The following GSDMC variants were observed in gnomAD, a reference collection of about 807,000 sequenced individuals.
GSDMC encodes the protein gasdermin C.
GSDMC carries 59 observed loss-of-function variants against 58.0 expected under a neutral mutation model. The ratio of observed to expected loss-of-function variants is 1.02; its 90% CI spans 0.82 to 1.26. The LOEUF (loss-of-function observed/expected upper bound fraction) is 1.26, where lower values mean the gene tolerates loss of function less well. Ranked by LOEUF, GSDMC falls within the 50% of genes most tolerant of loss-of-function variation. The probability of loss-of-function intolerance (pLI) is 0.00; values close to 1 mark genes in which losing one functional copy is unlikely to be tolerated. For synonymous variants in GSDMC, 241 were observed against 220.2 expected, an observed-to-expected ratio of 1.09 and a Z score of -0.83; for missense variants, 659 against 598.5, an observed-to-expected ratio of 1.10 and a Z score of -1.06.
the GSDMC span, among the ~76,000 whole-genome samples, chr8:129,723,886 C>T: frequency 6.8e-3 from 1,040 of 152,332 alleles, 5 homozygotes; most frequent in Non-Finnish European, 0.012. Flanking sequence ...TTTTTCCAGA[C>T]TCTCAGTGAG....
chr8:129,714,318 G>A, the GSDMC span, among the ~76,000 whole-genome samples: 1 of 152,176 alleles, frequency 6.6e-6, no homozygotes, highest in Admixed American at 6.5e-5. Context: ...ATCACAGAAT[G>A]TGGGCTTAAT....
the GSDMC span, among the ~76,000 whole-genome samples, chr8:129,732,107 G>C: frequency 6.6e-6 from 1 of 152,012 alleles, no homozygotes; most frequent in Non-Finnish European, 1.5e-5. Context: ...GGCCACAAGG[G>C]GTTCTCTCTC....
chr8:129,768,095 GAC>G (rs1198833814), intron 3 of GSDMC, among the ~76,000 whole-genome samples: 1 of 152,066 alleles, frequency 6.6e-6, no homozygotes, highest in Non-Finnish European at 1.5e-5. Context: ...GATCCAGCCC[GAC>G]CATGGAGCAC....
intron 3 of GSDMC, among the ~76,000 whole-genome samples, chr8:129,769,530 A>G (rs896056325): frequency 3.9e-5 from 6 of 152,186 alleles, no homozygotes; most frequent in African/African-American, 1.4e-4. Flanking sequence ...ATGTCATCTC[A>G]TGGAAGATGG....
At chr8:129,718,218 A>G in the GSDMC span, among the ~76,000 whole-genome samples, 1 of 152,232 alleles carries the variant, frequency 6.6e-6, no homozygotes, top group Non-Finnish European at 1.5e-5. Context: ...AAAAGAAACT[A>G]TCAACAAAGT....
rs573508046 is a variant in GSDMC, at chr8:129,786,431, A to G, written c.-425T>C. Reference sequence around the variant, plus strand: ...TCAGACAAACTCCAGGACCAGATCAATGTGATTCTGTTCACTGTTCTCTTC... The same window carrying G: ...TCAGACAAACTCCAGGACCAGATCAGTGTGATTCTGTTCACTGTTCTCTTC... On this transcript the variant is annotated 5_prime_UTR_variant, in exon 1 of 14. Transcript: ENST00000276708. 1.4e-4 allele frequency: 21 copies of G among 152,238 alleles called. No individual in the cohort carries two copies. The highest frequency in any genetic ancestry group is 4.3e-4 in the African/African-American group (18 of 41,538). 9.4% of individuals were successfully genotyped at this position (152,238 alleles called of 1,614,324 possible).
intron 6 of GSDMC, among the ~76,000 whole-genome samples, chr8:129,754,691 G>A (rs185315548): frequency 6.6e-6 from 1 of 152,228 alleles, no homozygotes; most frequent in African/African-American, 2.4e-5. Context: ...GTATTTTGAA[G>A]AAACTCAAAG....
At chr8:129,717,445 G>A in the GSDMC span, among the ~76,000 whole-genome samples, 1 of 151,436 alleles carries the variant, frequency 6.6e-6, no homozygotes, top group African/African-American at 2.4e-5. Context: ...TGGGATCAGT[G>A]GTAATACCAG....
rs2034547529 is a variant in GSDMC at position 129,786,075 on chromosome 8, C to T, written c.-69G>A. ...ATTGGCCGGGCACGGTGGCTCACGT[C>T]TGTAATCCCAGCACTTTGGGAGGCT... On this transcript the variant is annotated 5_prime_UTR_variant, in exon 1 of 14. Coordinates refer to ENST00000276708, the MANE Select transcript of GSDMC (RefSeq NM_031415.3). The T allele has an allele frequency of 6.6e-6, 1 of 152,466 alleles. No homozygotes were observed. The highest frequency in any genetic ancestry group is 1.5e-5 in the Non-Finnish European group (1 of 68,284). The allele number at this position is 152,466 out of a possible 1,614,324, so 9.4% of individuals were successfully genotyped here. A position where few individuals can be genotyped will look rare whatever the true frequency, so the allele number is the denominator to read the frequency against.
chr8:129,747,983 G>A (rs934268708), downstream of GSDMC, among the ~76,000 whole-genome samples: 3 of 151,986 alleles, frequency 2.0e-5, no homozygotes, highest in Non-Finnish European at 2.9e-5. Flanking sequence ...AACATTTAAT[G>A]TGAAACAATT....
At chr8:129,726,055 A>G in the GSDMC span, among the ~76,000 whole-genome samples, 286 of 152,328 alleles carry the variant, frequency 1.9e-3, no homozygotes, top group Non-Finnish European at 3.2e-3. Context: ...AAAATATTTG[A>G]AACTCCCAAC....
At chr8:129,768,115 A>G (rs987008613) in intron 3 of GSDMC, among the ~76,000 whole-genome samples, 4 of 152,198 alleles carry the variant, frequency 2.6e-5, no homozygotes, top group Non-Finnish European at 5.9e-5. Context: ...CACAGCCAGC[A>G]GTTCCACCTC....
chr8:129,750,557 T>C lies in GSDMC; in HGVS notation c.957A>G (p.Leu319=), dbSNP rs780608687. The change falls in exon 11 of 14, where the codon CTA becomes CTG. Residue 319 remains leucine (L), a synonymous_variant. Coordinates refer to ENST00000276708, the MANE Select transcript of GSDMC (RefSeq NM_031415.3). ...EEPFWQNFKH[L]QEEVFQKIKT... is the part of the protein sequence containing the mutation. ...TTATTTTCTGGAAAACCTCCTCTTG[T>C]AGATGCTTGAAATCTGCTCTCAGGC... is the stretch of plus-strand genomic sequence containing the variant. 4.3e-6 allele frequency: 7 copies of C among 1,613,844 alleles called. No homozygotes were observed. The highest frequency in any genetic ancestry group is 2.2e-5 in the East Asian group (1 of 44,896).
Position 129,750,589 on chromosome 8 carries a change from G to T in GSDMC, c.944-19C>A. 6.2e-7 allele frequency: 1 copy of T among 1,611,116 alleles called. No individual in the cohort carries two copies. Among genetic ancestry groups the T allele is most frequent in the Non-Finnish European group, 8.5e-7 (1 of 1,178,444 alleles). On this transcript the variant is annotated intron_variant, in intron 10 of 13. Transcript: ENST00000276708. Reference sequence around the variant, plus strand: ...TTGAAATCTGCTCTCAGGCATCAACGCCGACCAGAAAGTGGGGACAAGTCT... The same window carrying T: ...TTGAAATCTGCTCTCAGGCATCAACTCCGACCAGAAAGTGGGGACAAGTCT...
the GSDMC span, among the ~76,000 whole-genome samples, chr8:129,716,498 C>T: frequency 6.6e-6 from 1 of 152,156 alleles, no homozygotes; most frequent in Non-Finnish European, 1.5e-5. Flanking sequence ...AGTGGCTTAT[C>T]AGCTTAAGGA....
chr8:129,734,100 A>G, the GSDMC span, among the ~76,000 whole-genome samples: 2 of 152,238 alleles, frequency 1.3e-5, no homozygotes, highest in Non-Finnish European at 2.9e-5. Context: ...AATTAATGAG[A>G]TAAAGTGAGA....
chr8:129,752,055 GT>G, intron 8 of GSDMC, 50 bp downstream of exon 8: 1 of 1,563,936 alleles, frequency 6.4e-7, no homozygotes, highest in Non-Finnish European at 8.8e-7. Flanking sequence ...CAATCAGGTG[GT>G]TTTTTGTTGT....
chr8:129,769,111 G>GGAGAGGAGAC (rs2033966901), intron 3 of GSDMC, among the ~76,000 whole-genome samples: 1 of 151,584 alleles, frequency 6.6e-6, no homozygotes, highest in African/African-American at 2.4e-5. Flanking sequence ...GGAGAGGAGA[G>GGAGAGGAGAC]GAGAGGAAAA....
chr8:129,724,371 G>C, the GSDMC span, among the ~76,000 whole-genome samples: 1 of 152,084 alleles, frequency 6.6e-6, no homozygotes, highest in Admixed American at 6.5e-5. Flanking sequence ...TTTTGGGGGT[G>C]ATTTGTTATG....
Sources: allele counts gnomAD v4.1 joint callset (sites outside exome capture counted in the v4.1 genomes callset), GRCh38; gene constraint gnomAD v4.1.1; transcripts MANE v1.5; gene names NCBI Gene and HGNC (gene_info 2026-07-23, HGNC 2026-07-21).